The following ZFYVE1 variants were observed in gnomAD, a reference collection of about 807,000 sequenced individuals.
The protein encoded by ZFYVE1 is zinc finger FYVE domain-containing protein 1.
A neutral mutation model predicts 74.4 loss-of-function variants in ZFYVE1; 30 were observed. The observed-to-expected ratio is 0.40, with a 90% confidence interval of 0.30 to 0.55. The LOEUF (loss-of-function observed/expected upper bound fraction) is 0.55. ZFYVE1 is among the 20% of genes least tolerant of loss of function. The probability of loss-of-function intolerance (pLI) is 0.42; values close to 1 mark genes in which losing one functional copy is unlikely to be tolerated. For synonymous variants in ZFYVE1, 335 were observed against 385.1 expected (o/e 0.87, Z 1.52); for missense variants, 703 against 1,011.6 (o/e 0.69, Z 4.14).
chr14:72,998,852 A>G (rs958387696), intron 2 of ZFYVE1, among the ~76,000 whole-genome samples: 2 of 145,004 alleles, frequency 1.4e-5, no homozygotes, highest in African/African-American at 2.7e-5. Context: ...CCCTGCCTCA[A>G]AAAAAAAAAA....
chr14:73,015,664 G>A (rs1053518164), intron 2 of ZFYVE1, among the ~76,000 whole-genome samples: 3 of 152,066 alleles, frequency 2.0e-5, no homozygotes, highest in Non-Finnish European at 2.9e-5. Context: ...GATTACAGGC[G>A]TGAGCCACCA....
intron 4 of ZFYVE1, among the ~76,000 whole-genome samples, chr14:72,992,254 A>C (rs563182661): frequency 1.3e-5 from 2 of 152,162 alleles, no homozygotes; most frequent in East Asian, 1.9e-4. Context: ...CCAGTCTCAG[A>C]ACCTTCCATG....
At chr14:72,973,315 C>T (rs1893083204) in intron 11 of ZFYVE1, among the ~76,000 whole-genome samples, 1 of 151,954 alleles carries the variant, frequency 6.6e-6, no homozygotes. Flanking sequence ...ATGGTGAAAC[C>T]CCGTCTCTAC....
At chr14:72,988,713 A>T (rs1489388535) in intron 4 of ZFYVE1, among the ~76,000 whole-genome samples, 1 of 150,916 alleles carries the variant, frequency 6.6e-6, no homozygotes, top group Non-Finnish European at 1.5e-5. Flanking sequence ...AGGCTGAGGC[A>T]TGAGAATCAC....
At chr14:72,974,227 C>CT (rs1396480134) in intron 10 of ZFYVE1, 34 bp from the exon 11 acceptor site, 8 of 1,594,612 alleles carry the variant, frequency 5.0e-6, no homozygotes, top group Non-Finnish European at 6.9e-6. Flanking sequence ...GCTGTCACCT[C>CT]TAAGTCCTCT....
Position 72,974,871 on chromosome 14 carries a change from G to C in ZFYVE1, c.1895C>G (p.Ser632Ter). 1 of 1,614,170 alleles carries C rather than the reference G, an allele frequency of 6.2e-7. No individual in the cohort carries two copies. The highest frequency in any genetic ancestry group is 8.5e-7 in the Non-Finnish European group (1 of 1,180,016). The change falls in exon 10 of 12, where the codon TCA (serine) becomes TGA (stop). Residue 632 changes from serine to a stop codon, truncating the protein, a stop_gained. Transcript: ENST00000556143. LOFTEE classifies it high-confidence loss of function. Reference sequence around the variant, plus strand: ...CTCAGGCACTGGCCGAGTCTTTGATGAACAGCTGTCACAGAAGCCCTCCCC... The same window carrying C: ...CTCAGGCACTGGCCGAGTCTTTGATCAACAGCTGTCACAGAAGCCCTCCCC... The part of the protein sequence containing the change: ...ACGEGFCDSC[S>*]SKTRPVPERG...
intron 5 of ZFYVE1, among the ~76,000 whole-genome samples, chr14:72,980,182 A>C (rs548221521): frequency 5.9e-5 from 9 of 152,340 alleles, no homozygotes; most frequent in Non-Finnish European, 1.2e-4. Flanking sequence ...TCCAAGAAGC[A>C]GGTCTTTTTC....
intron 4 of ZFYVE1, 60 bp from the exon 5 acceptor site, chr14:72,981,955 C>G: frequency 6.8e-7 from 1 of 1,479,892 alleles, no homozygotes; most frequent in East Asian, 2.3e-5. Flanking sequence ...CACTTTGGCC[C>G]CCCACTGCAG....
In ZFYVE1 at chr14:72,975,749, T is replaced by A. The variant is rs1246240345; in HGVS notation, c.1636-28A>T. 6.2e-7 allele frequency: 1 copy of A among 1,610,146 alleles called. No individual in the cohort carries two copies. The highest frequency in any genetic ancestry group is 1.7e-5 in the Admixed American group (1 of 59,684). On this transcript the variant is annotated intron_variant, in intron 8 of 11. Transcript: ENST00000556143. This position sits in a 1 kb window ranked among gnomAD's most constrained non-coding sequence, Gnocchi z 4.1. ...GAAATGAAAACGCAGGCTTCCATCA[T>A]GCTCTGAGAAGGGAGTGAAAGGAAG...
chr14:72,974,187 G>A lies in ZFYVE1; in HGVS notation c.1994C>T (p.Thr665Ile), dbSNP rs749947949. 9 of 1,613,860 alleles carry A rather than the reference G, an allele frequency of 5.6e-6. No homozygotes were observed. The highest frequency in any genetic ancestry group is 7.6e-6 in the Non-Finnish European group (9 of 1,179,896). ...YEARNVQLAV[T>I]EAQVDDEGGT... ...ACCTTCATCGTCCACTTGTGCCTCG[G>A]TAACAGCTGTAGACAGTAATAAAGG... The change falls in exon 11 of 12, where the codon ACC becomes ATC. Residue 665 changes from threonine (T) to isoleucine (I), a missense_variant. Thr to Ile is a moderately conservative substitution (Grantham distance 89, BLOSUM62 -1). Around this residue, in one of 2 missense-constraint regions of ZFYVE1, gnomAD observed 492 missense variants for 790.0 expected, o/e 0.62. Transcript: ENST00000556143.
rs1443915660 is a variant in ZFYVE1 at position 73,024,382 on chromosome 14, G to A, written c.127C>T (p.Leu43Phe). The part of the protein sequence containing the change: ...ECDECCSLQC[L>F]RCEEELHRQE... ...CGATGGAGCTCCTCCTCGCAGCGGAGACACTGCAGACTGCAGCACTCATCA... is the reference window on the plus strand; with the variant it reads ...CGATGGAGCTCCTCCTCGCAGCGGAAACACTGCAGACTGCAGCACTCATCA... Residue 43 changes from leucine to phenylalanine, a missense_variant, in exon 2 of 12, where the codon CTC becomes TTC. By Grantham distance (22) the Leu-to-Phe change is conservative. Coordinates refer to ENST00000556143, the MANE Select transcript of ZFYVE1 (RefSeq NM_021260.4). 1.2e-6 allele frequency: 2 copies of A among 1,614,170 alleles called. No homozygotes were observed. The highest frequency in any genetic ancestry group is 3.3e-5 in the Admixed American group (2 of 60,012).
rs73297235 is a variant in ZFYVE1 at position 73,009,117 on chromosome 14, C to G, written c.484-10802G>C. ...CAATTGATCAATAAATGAATGAACA[C>G]AGCACAAAATGTCTAGACGCTATAT... On this transcript the variant is annotated intron_variant, in intron 2 of 11. Transcript: ENST00000556143. Among the ~76,000 whole-genome samples, 1,073 of 152,286 alleles carry G rather than the reference C, an allele frequency of 7.0e-3. 10 individuals are homozygous for G. The highest frequency in any genetic ancestry group is 0.024 in the African/African-American group (997 of 41,554).
intron 8 of ZFYVE1, among the ~76,000 whole-genome samples, chr14:72,976,782 CAA>C (rs61560948): frequency 0.01 from 763 of 76,190 alleles, 8 homozygotes; most frequent in Non-Finnish European, 0.012. Flanking sequence ...GACTCCATCT[CAA>C]AAAAAAAAAA....
intron 2 of ZFYVE1, 23 bp downstream of exon 2, chr14:73,024,003 T>C (rs1312393048): frequency 1.9e-6 from 3 of 1,605,074 alleles, no homozygotes; most frequent in African/African-American, 1.3e-5. Flanking sequence ...TACACATGAA[T>C]CCCACTATAC....
intron 5 of ZFYVE1, among the ~76,000 whole-genome samples, chr14:72,980,536 A>AATTTATTTATTTATTTATTT: frequency 1.2e-5 from 1 of 81,504 alleles, no homozygotes; most frequent in East Asian, 2.9e-4. Context: ...AGAATTAATT[A>AATTTATTTATTTATTTATTT]ATTTATTTAT....
At chr14:73,023,165 AAT>A (rs772492397) in intron 2 of ZFYVE1, among the ~76,000 whole-genome samples, 67 of 954 alleles carry the variant, frequency 0.07, no homozygotes, top group African/African-American at 0.12. Flanking sequence ...CATCTCAAAA[AAT>A]ATATATATAT....
intron 5 of ZFYVE1, among the ~76,000 whole-genome samples, chr14:72,980,716 G>C (rs186907644): frequency 1.3e-5 from 2 of 151,804 alleles, no homozygotes; most frequent in Non-Finnish European, 2.9e-5. Context: ...TACAGGCGCC[G>C]GCCACCGTGC....
In ZFYVE1 at chr14:72,974,876, G is replaced by C; in HGVS notation, c.1890C>G (p.Ser630Arg). ...GCACTGGCCGAGTCTTTGATGAACA[G>C]CTGTCACAGAAGCCCTCCCCACAGG... ...CRACGEGFCD[S>R]CSSKTRPVPE... Residue 630 changes from serine to arginine, a missense_variant, in exon 10 of 12, where the codon AGC (serine) becomes AGG (arginine). Transcript: ENST00000556143. 4 of 1,614,164 alleles carry C rather than the reference G, an allele frequency of 2.5e-6. No homozygotes were observed. Among genetic ancestry groups the C allele is most frequent in the Non-Finnish European group, 3.4e-6 (4 of 1,180,002 alleles).
At chr14:73,000,242 C>T (rs932356082) in intron 2 of ZFYVE1, among the ~76,000 whole-genome samples, 3 of 152,160 alleles carry the variant, frequency 2.0e-5, no homozygotes, top group African/African-American at 7.2e-5. Flanking sequence ...TGAAAAGATG[C>T]TCCAAGTCCT....
Sources: gnomAD v4.1 joint callset for allele counts (sites outside exome capture counted in the v4.1 genomes callset) on GRCh38, gnomAD v4.1.1 for gene constraint, gnomAD v4.1.1 regional missense constraint, Gnocchi (gnomAD v3.1) non-coding constraint, MANE v1.5 for transcripts, NCBI Gene and HGNC (gene_info 2026-07-23, HGNC 2026-07-21) for gene names.